The following GARNL3 variants were observed in gnomAD, a reference collection of about 807,000 sequenced individuals.
The protein encoded by GARNL3 is GTPase activating Rap/RanGAP domain like 3.
A neutral mutation model predicts 125.0 loss-of-function variants in GARNL3; 63 were observed. The observed-to-expected ratio is 0.50, with a 90% CI of 0.41 to 0.62. GARNL3 has a LOEUF of 0.62. GARNL3 is among the 20% of genes least tolerant of loss of function. The probability of loss-of-function intolerance (pLI) is 0.00; values close to 1 mark genes in which losing one functional copy is unlikely to be tolerated. For synonymous variants in GARNL3, 439 were observed against 457.5 expected, an observed-to-expected ratio of 0.96 and a Z score of 0.52; for missense variants, 994 against 1,244.0, an observed-to-expected ratio of 0.80 and a Z score of 3.02.
Position 127,390,733 on chromosome 9 carries a change from AAG to A in GARNL3, c.2837_2838del (p.Lys946ThrfsTer8). The A allele has an allele frequency of 3.7e-6, 6 of 1,613,826 alleles. No individual in the cohort carries two copies. In the South Asian group the frequency reaches 6.6e-5, roughly 18 times the overall value. ...KRLEESQGGP[K>X]PGAVRSSSSD... is the part of the protein sequence containing the mutation. ...GTTAGAAGAAAGCCAAGGAGGCCCC[AAG>A]CCAGGGGCAGTGAGGTCATCTAGCA... On this transcript the variant is annotated frameshift_variant, in exon 27 of 28. Coordinates refer to ENST00000373387, the MANE Select transcript of GARNL3 (RefSeq NM_032293.5). LOFTEE classifies it low-confidence loss of function (END_TRUNC).
At chr9:127,355,572 T>G (rs1166663593) in intron 20 of GARNL3, 100 bp downstream of exon 20, 7 of 1,111,300 alleles carry the variant, frequency 6.3e-6, no homozygotes, top group Non-Finnish European at 9.5e-6. Flanking sequence ...GTTGTCCCAC[T>G]GTTTAGTAGC....
In GARNL3 at chr9:127,353,858, C is replaced by T; in HGVS notation, c.1556C>T (p.Ser519Leu). ...TTTCCTTTTCCAGATGACCTTCCAT[C>T]AGTGCCCGTGTTTGACAGAACTCTG... is the stretch of plus-strand genomic sequence containing the variant. Reference protein sequence around the residue: ...GVLLVDDDLPSVPVFDRTLPV... With the variant: ...GVLLVDDDLPLVPVFDRTLPV... The change falls in exon 18 of 28, where the codon TCA becomes TTA. Residue 519 changes from serine to leucine, a missense_variant. Physicochemically the swap from Ser to Leu is moderately radical, Grantham distance 145. Around this residue, in one of 5 missense-constraint regions of GARNL3, gnomAD observed 728 missense variants for 865.7 expected, o/e 0.84. Coordinates refer to ENST00000373387, the MANE Select transcript of GARNL3 (RefSeq NM_032293.5). 1 of 1,612,140 alleles carries T rather than the reference C, an allele frequency of 6.2e-7. No individual in the cohort carries two copies. The highest frequency in any genetic ancestry group is 8.5e-7 in the Non-Finnish European group (1 of 1,178,198).
chr9:127,309,733 G>A lies in GARNL3; in HGVS notation c.220-1903G>A, dbSNP rs186727969. ...CCCCATTTAACCTGTTCTCTCAACAGTTGCCCCCCAAAAAAAGCTTTTGGT... is the reference window on the plus strand; with the variant it reads ...CCCCATTTAACCTGTTCTCTCAACAATTGCCCCCCAAAAAAAGCTTTTGGT... On this transcript the variant is annotated intron_variant, in intron 2 of 27. Transcript: ENST00000373387. Among the ~76,000 whole-genome samples the A allele has an allele frequency of 3.9e-3, 572 of 147,096 alleles. 4 individuals carry two copies. The highest frequency in any genetic ancestry group is 9.3e-3 in the South Asian group (39 of 4,190).
At chr9:127,246,895 G>T (rs2063313839) in intron 2 of GARNL3, among the ~76,000 whole-genome samples, 1 of 150,542 alleles carries the variant, frequency 6.6e-6, no homozygotes, top group Non-Finnish European at 1.5e-5. Context: ...TGGAGAGAAG[G>T]TGAAATGGAC....
At chr9:127,325,365 G>A (rs1424313671) in intron 7 of GARNL3, among the ~76,000 whole-genome samples, 1 of 152,176 alleles carries the variant, frequency 6.6e-6, no homozygotes. Context: ...TGATCAGGGT[G>A]AGTAATGAGG....
At chr9:127,263,685 G>A, upstream of GARNL3, 1 of 1,112,872 alleles carries the variant, frequency 9.0e-7, no homozygotes. Context: ...ATGTAGCCTG[G>A]GTAATATCTG....
chr9:127,381,870 G>C (rs1029018338), intron 22 of GARNL3, among the ~76,000 whole-genome samples: 2 of 151,962 alleles, frequency 1.3e-5, no homozygotes, highest in African/African-American at 4.8e-5. Flanking sequence ...CTCACAAAGT[G>C]CCAGGATTAC....
At position 127,384,850 on chromosome 9, in the gene GARNL3, G is replaced by A. The variant is rs1832457514; in HGVS notation, c.2270-177G>A. ...GTGGCAACCGAGGGGAGGCTGTCTT[G>A]GGAACCCAGGCTACCTTAGGATCAG... On this transcript the variant is annotated intron_variant, in intron 23 of 27. Coordinates refer to ENST00000373387, the MANE Select transcript of GARNL3 (RefSeq NM_032293.5). This position sits in a 1 kb window ranked among gnomAD's most constrained non-coding sequence, Gnocchi z 4.0. Among the ~76,000 whole-genome samples the A allele has an allele frequency of 6.6e-6, 1 of 152,176 alleles. No individual in the cohort carries two copies. Among genetic ancestry groups the A allele is most frequent in the South Asian group, 2.1e-4 (1 of 4,830 alleles).
intron 1 of GARNL3, among the ~76,000 whole-genome samples, chr9:127,233,382 G>A (rs1034367681): frequency 6.6e-6 from 1 of 152,124 alleles, no homozygotes; most frequent in Admixed American, 6.5e-5. Context: ...CATTCACAGA[G>A]ACCAAGAAGT....
rs563504010 is a variant in GARNL3 at position 127,356,278 on chromosome 9, G to A, written c.1935+806G>A. 3.9e-5 allele frequency among the ~76,000 whole-genome samples: 6 copies of A among 152,288 alleles called. 1 individual carries two copies. The East Asian group carries it at 1.2e-3, about 29-fold the overall frequency. ...CCTGGCAAGAAAGGTTGGTGGCTTT[G>A]GTAGCAGGAGAGATGGGAAGAAGCC... On this transcript the variant is annotated intron_variant, in intron 20 of 27. Transcript: ENST00000373387.
intron 5 of GARNL3, among the ~76,000 whole-genome samples, chr9:127,318,778 CT>C (rs2065312437): frequency 6.6e-6 from 1 of 152,184 alleles, no homozygotes; most frequent in African/African-American, 2.4e-5. Flanking sequence ...TACATCATAG[CT>C]ATGGTAGCTT....
In GARNL3 at chr9:127,365,419, T is replaced by C. The variant is rs1049784932; in HGVS notation, c.2161+53T>C. 25 of 1,350,190 alleles carry C rather than the reference T, an allele frequency of 1.9e-5. No homozygotes were observed. The African/African-American group carries it at 2.9e-4, about 16-fold the overall frequency. The allele number at this position is 1,350,190 out of a possible 1,614,324, so 83.6% of individuals were successfully genotyped here. On this transcript the variant is annotated intron_variant, in intron 22 of 27. Transcript: ENST00000373387. ...ATTTGCTTAAATGGACTGCTTTTTT[T>C]TTTTCTGGGCAATTTAAAAAGATTG...
chr9:127,329,823 G>A (rs1185058244), intron 7 of GARNL3, among the ~76,000 whole-genome samples: 1 of 152,124 alleles, frequency 6.6e-6, no homozygotes, highest in Non-Finnish European at 1.5e-5. Context: ...GAGCTTCCCT[G>A]TCCTGTCTTA....
intron 22 of GARNL3, among the ~76,000 whole-genome samples, chr9:127,369,713 T>C (rs1042413652): frequency 2.6e-5 from 4 of 152,136 alleles, no homozygotes; most frequent in African/African-American, 9.7e-5. Context: ...GAAAGCAGAC[T>C]GGGAGCACAG....
At chr9:127,370,621 C>G (rs1468500564) in intron 22 of GARNL3, among the ~76,000 whole-genome samples, 2 of 152,182 alleles carry the variant, frequency 1.3e-5, no homozygotes, top group African/African-American at 4.8e-5. Flanking sequence ...TCCAAGGAGA[C>G]TTTTCTGTCC....
intron 16 of GARNL3, among the ~76,000 whole-genome samples, chr9:127,345,685 A>C (rs4130590): frequency 1.3e-5 from 2 of 152,048 alleles, no homozygotes; most frequent in Admixed American, 1.3e-4. Context: ...ACCTGCTTCA[A>C]TGGAGCAGAG....
chr9:127,253,158 T>C (rs1012517766), intron 2 of GARNL3, among the ~76,000 whole-genome samples: 1 of 152,328 alleles, frequency 6.6e-6, no homozygotes, highest in East Asian at 1.9e-4. Flanking sequence ...ACTCATGGGC[T>C]TGACCCTACA....
chr9:127,325,285 C>T (rs1261651535), intron 7 of GARNL3, among the ~76,000 whole-genome samples, 190 bp downstream of exon 7: 2 of 152,152 alleles, frequency 1.3e-5, no homozygotes, highest in African/African-American at 4.8e-5. Context: ...TTCTATGCAT[C>T]TAGCTATAAA....
At chr9:127,339,074 G>A (rs944798384) in intron 12 of GARNL3, among the ~76,000 whole-genome samples, 4 of 152,016 alleles carry the variant, frequency 2.6e-5, no homozygotes, top group Non-Finnish European at 5.9e-5. Context: ...GAGGCGGGCG[G>A]ATCACGAGGT....
Sources: gnomAD v4.1 joint callset for allele counts (sites outside exome capture counted in the v4.1 genomes callset) on GRCh38, gnomAD v4.1.1 for gene constraint, gnomAD v4.1.1 regional missense constraint, Gnocchi (gnomAD v3.1) non-coding constraint, MANE v1.5 for transcripts, NCBI Gene and HGNC (gene_info 2026-07-23, HGNC 2026-07-21) for gene names.